SSBP2: variants seen among roughly 807,000 people sequenced by gnomAD.
SSBP2 encodes the protein single-stranded DNA-binding protein 2.
Under a neutral mutation model 61.8 loss-of-function variants are expected in SSBP2, and 17 were observed. The observed-to-expected ratio is 0.28, with a 90% confidence interval of 0.19 to 0.41. The LOEUF (loss-of-function observed/expected upper bound fraction) is 0.41, where lower values mean the gene tolerates loss of function less well. Ranked by LOEUF, SSBP2 falls within the 10% of genes least tolerant of loss-of-function variation. The pLI, the probability that SSBP2 is intolerant of heterozygous loss-of-function variation, is 1.00. For synonymous variants in SSBP2, 139 were observed against 141.3 expected, an observed-to-expected ratio of 0.98 and a Z score of 0.12; for missense variants, 310 against 458.7, an observed-to-expected ratio of 0.68 and a Z score of 2.96.
At chr5:81,723,037 A>G (rs1755639146) in intron 1 of SSBP2, among the ~76,000 whole-genome samples, 1 of 152,018 alleles carries the variant, frequency 6.6e-6, no homozygotes, top group African/African-American at 2.4e-5. Flanking sequence ...AATTAACTTA[A>G]AGCCAGAAAC....
intron 6 of SSBP2, among the ~76,000 whole-genome samples, chr5:81,478,285 C>T (rs1281961408): frequency 3.9e-5 from 6 of 152,052 alleles, no homozygotes; most frequent in Admixed American, 1.3e-4. Context: ...TGCAGCCTCC[C>T]GAGCAGCTGG....
At chr5:81,655,415 C>T (rs1384546590) in intron 1 of SSBP2, among the ~76,000 whole-genome samples, 1 of 151,810 alleles carries the variant, frequency 6.6e-6, no homozygotes, top group African/African-American at 2.4e-5. Context: ...TAGAACCAGT[C>T]GTTTTTAAAA....
chr5:81,674,914 T>G (rs567572530), intron 1 of SSBP2, among the ~76,000 whole-genome samples: 6 of 152,202 alleles, frequency 3.9e-5, no homozygotes, highest in Non-Finnish European at 8.8e-5. Flanking sequence ...CTTAATTGAC[T>G]GCCCTAAATA....
In SSBP2 at chr5:81,671,479, G is replaced by A. The variant is rs1581306570; in HGVS notation, c.63-21140C>T. ...CTAATTCAGAATTTGTGGCAATATG[G>A]TCAGGGGATGCATCATTACTCCAAG... On this transcript the variant is annotated intron_variant, in intron 1 of 16. Coordinates refer to ENST00000320672, the MANE Select transcript of SSBP2 (RefSeq NM_012446.5). 3.9e-5 allele frequency among the ~76,000 whole-genome samples: 6 copies of A among 152,082 alleles called. 1 individual carries two copies. In the South Asian group the frequency reaches 1.2e-3, roughly 32 times the overall value.
intron 1 of SSBP2, among the ~76,000 whole-genome samples, chr5:81,725,682 A>G (rs897843228): frequency 1.2e-4 from 18 of 152,200 alleles, no homozygotes; most frequent in Non-Finnish European, 2.5e-4. Context: ...AAGTTATGAA[A>G]CAGATATACA....
intron 1 of SSBP2, among the ~76,000 whole-genome samples, chr5:81,658,063 A>G (rs2153733437): frequency 6.6e-6 from 1 of 152,292 alleles, no homozygotes; most frequent in African/African-American, 2.4e-5. Context: ...TGGTGAGAAC[A>G]CTTAAAATCT....
At chr5:81,505,794 A>G (rs1768138478) in intron 5 of SSBP2, among the ~76,000 whole-genome samples, 1 of 152,212 alleles carries the variant, frequency 6.6e-6, no homozygotes, top group Non-Finnish European at 1.5e-5. Flanking sequence ...ATGAAAAGTG[A>G]AAGGAAAACC....
At chr5:81,609,234 A>G (rs1745198188) in intron 4 of SSBP2, among the ~76,000 whole-genome samples, 1 of 152,120 alleles carries the variant, frequency 6.6e-6, no homozygotes, top group Admixed American at 6.5e-5. Flanking sequence ...AAGCACTGAT[A>G]CTGTGTTTGA....
intron 4 of SSBP2, among the ~76,000 whole-genome samples, chr5:81,580,583 T>C (rs1278162565): frequency 6.6e-6 from 1 of 152,142 alleles, no homozygotes; most frequent in Non-Finnish European, 1.5e-5. Context: ...GTTAAAATTA[T>C]TATTTGACCC....
chr5:81,695,890 C>A (rs1052207163), intron 1 of SSBP2, among the ~76,000 whole-genome samples: 1 of 151,872 alleles, frequency 6.6e-6, no homozygotes, highest in Non-Finnish European at 1.5e-5. Flanking sequence ...GAAAAGATTT[C>A]AAAGATTCTA....
Position 81,473,712 on chromosome 5 carries a change from G to A in SSBP2, c.558C>T (p.Pro186=), listed in dbSNP as rs775357287. 1.8e-5 allele frequency: 29 copies of A among 1,613,828 alleles called. No homozygotes were observed. In the South Asian group the frequency reaches 3.2e-4, roughly 18 times the overall value. ...ACTGATTATTTACCTGTGGTCCTAAGGGCACCATTCCTCTTGGAGGAGTCA... is the reference window on the plus strand; with the variant it reads ...ACTGATTATTTACCTGTGGTCCTAAAGGCACCATTCCTCTTGGAGGAGTCA... The change falls in exon 8 of 17, where the codon CCC becomes CCT. Residue 186 remains proline (P), a synonymous_variant. Transcript: ENST00000320672.
chr5:81,504,547 T>C (rs1768034977), intron 5 of SSBP2, among the ~76,000 whole-genome samples: 1 of 152,174 alleles, frequency 6.6e-6, no homozygotes, highest in African/African-American at 2.4e-5. Flanking sequence ...CCCCCAGATA[T>C]TACATGGTTT....
intron 2 of SSBP2, among the ~76,000 whole-genome samples, chr5:81,637,975 T>C (rs891982993): frequency 3.9e-5 from 6 of 151,910 alleles, no homozygotes; most frequent in African/African-American, 1.5e-4. Context: ...AAATTGGAAA[T>C]CATCATTCTC....
intron 4 of SSBP2, among the ~76,000 whole-genome samples, chr5:81,557,734 C>G (rs1382590716): frequency 6.6e-6 from 1 of 152,144 alleles, no homozygotes; most frequent in Non-Finnish European, 1.5e-5. Context: ...TCATTATCCT[C>G]TAAGTTTTTG....
At chr5:81,448,721 C>A in intron 11 of SSBP2, 69 bp downstream of exon 11, 17 of 1,497,486 alleles carry the variant, frequency 1.1e-5, no homozygotes, top group Non-Finnish European at 1.5e-5. Flanking sequence ...AACATCTGGA[C>A]AACTGTTTCA....
In SSBP2 at chr5:81,484,549, T is replaced by A. The variant is rs1306930588; in HGVS notation, c.432+4701A>T. ...TCTTGCCATGTTGGATTTGAAATAA[T>A]AATTTAAATCTTAGTGTAATTATCA... On this transcript the variant is annotated intron_variant, in intron 6 of 16. Coordinates refer to ENST00000320672, the MANE Select transcript of SSBP2 (RefSeq NM_012446.5). 2.6e-5 allele frequency among the ~76,000 whole-genome samples: 4 copies of A among 152,060 alleles called. No homozygotes were observed. In the East Asian group the frequency reaches 7.7e-4, roughly 29 times the overall value.
intron 6 of SSBP2, among the ~76,000 whole-genome samples, chr5:81,478,183 A>G (rs1458306791): frequency 6.6e-6 from 1 of 152,040 alleles, no homozygotes; most frequent in Non-Finnish European, 1.5e-5. Flanking sequence ...TTTTTTAGAG[A>G]AAAGGTCTCC....
At chr5:81,516,344 G>A (rs995909604) in intron 4 of SSBP2, among the ~76,000 whole-genome samples, 1 of 152,056 alleles carries the variant, frequency 6.6e-6, no homozygotes, top group Non-Finnish European at 1.5e-5. Flanking sequence ...GAAGTGTCTT[G>A]AAAATAAAGA....
At chr5:81,686,863 AAAAAAAAAAGAAAAG>A (rs1422931097) in intron 1 of SSBP2, among the ~76,000 whole-genome samples, 7 of 110,288 alleles carry the variant, frequency 6.3e-5, no homozygotes, top group East Asian at 2.2e-4. Context: ...TCAAAAAAAA[AAAAAAAAAAGAAAAG>A]AAAAGAAAAG....
Sources: gnomAD v4.1 joint callset for allele counts (sites outside exome capture counted in the v4.1 genomes callset) on GRCh38, gnomAD v4.1.1 for gene constraint, MANE v1.5 for transcripts, NCBI Gene and HGNC (gene_info 2026-07-23, HGNC 2026-07-21) for gene names.